CCDC85A: variants seen among roughly 807,000 people sequenced by gnomAD.
CCDC85A encodes the protein coiled-coil domain-containing protein 85A.
CCDC85A carries 38 observed loss-of-function variants against 50.2 expected under a neutral mutation model. That is an observed-to-expected ratio of 0.76 (90% confidence interval 0.58 to 0.99). The LOEUF is 0.99. Ranked by LOEUF, CCDC85A falls within the 50% of genes least tolerant of loss-of-function variation. The probability of loss-of-function intolerance (pLI) is 0.00; values close to 1 mark genes in which losing one functional copy is unlikely to be tolerated. For synonymous variants in CCDC85A, 366 were observed against 301.4 expected (o/e 1.21, Z -2.22); for missense variants, 820 against 742.0 (o/e 1.11, Z -1.22).
chr2:56,384,362 C>G lies in CCDC85A; in HGVS notation c.*7C>G, dbSNP rs777117519. The G allele has an allele frequency of 6.2e-7, 1 of 1,607,592 alleles. No individual in the cohort carries two copies. The highest frequency in any genetic ancestry group is 1.3e-5 in the African/African-American group (1 of 74,352). On this transcript the variant is annotated 3_prime_UTR_variant, in exon 6 of 6. Transcript: ENST00000407595. ...GTACAAAGGACCAATGTGAGATGCACTCTTTTTCAAACAGGAGATCACCAC... is the reference window on the plus strand; with the variant it reads ...GTACAAAGGACCAATGTGAGATGCAGTCTTTTTCAAACAGGAGATCACCAC...
At chr2:56,308,830 A>G (rs552016143) in intron 2 of CCDC85A, among the ~76,000 whole-genome samples, 1 of 152,310 alleles carries the variant, frequency 6.6e-6, no homozygotes, top group African/African-American at 2.4e-5. Context: ...TTGGAGTCAC[A>G]TAGACTTAGG....
chr2:56,284,653 G>T (rs34721129), intron 2 of CCDC85A, among the ~76,000 whole-genome samples: 1,792 of 152,308 alleles, frequency 0.012, 19 homozygotes, highest in Non-Finnish European at 0.019. Flanking sequence ...GATTACAGGC[G>T]TGAGCCACCA....
chr2:56,211,028 T>G (rs1189388815), intron 2 of CCDC85A, among the ~76,000 whole-genome samples: 1 of 152,102 alleles, frequency 6.6e-6, no homozygotes, highest in African/African-American at 2.4e-5. Flanking sequence ...CCTATTACAT[T>G]GCATCCAGGC....
intron 2 of CCDC85A, among the ~76,000 whole-genome samples, chr2:56,243,434 T>TC (rs1375227172): frequency 2.0e-5 from 3 of 152,182 alleles, no homozygotes; most frequent in Non-Finnish European, 1.5e-5. Context: ...GATGCGTTCT[T>TC]CAGTATGTCA....
At chr2:56,208,299 A>C (rs1677035309) in intron 2 of CCDC85A, among the ~76,000 whole-genome samples, 1 of 152,148 alleles carries the variant, frequency 6.6e-6, no homozygotes, top group South Asian at 2.1e-4. Context: ...AACTAAACTA[A>C]ATTTCTAATT....
At chr2:56,308,362 T>TG (rs1672538117) in intron 2 of CCDC85A, among the ~76,000 whole-genome samples, 2 of 152,202 alleles carry the variant, frequency 1.3e-5, no homozygotes, top group Admixed American at 1.3e-4. Flanking sequence ...CCAAGAGGTC[T>TG]GGACCCATTC....
intron 2 of CCDC85A, among the ~76,000 whole-genome samples, chr2:56,232,962 G>C (rs1214985653): frequency 6.6e-6 from 1 of 152,098 alleles, no homozygotes; most frequent in Non-Finnish European, 1.5e-5. Flanking sequence ...TTCCTCTAGA[G>C]GGTTCTGCCT....
At chr2:56,226,100 C>T (rs1668531038) in intron 2 of CCDC85A, among the ~76,000 whole-genome samples, 1 of 152,164 alleles carries the variant, frequency 6.6e-6, no homozygotes, top group Non-Finnish European at 1.5e-5. Context: ...GGGATTATCA[C>T]CTCTTGCATT....
At chr2:56,298,594 G>A (rs1387607816) in intron 2 of CCDC85A, among the ~76,000 whole-genome samples, 6 of 152,034 alleles carry the variant, frequency 3.9e-5, no homozygotes, top group African/African-American at 4.8e-5. Flanking sequence ...ATGAATTTAG[G>A]GAATCTTTTA....
intron 2 of CCDC85A, among the ~76,000 whole-genome samples, chr2:56,311,700 A>G (rs1558635375): frequency 6.6e-6 from 1 of 152,066 alleles, no homozygotes; most frequent in East Asian, 1.9e-4. Context: ...TATGAGTTTA[A>G]TTTATCTTTA....
At chr2:56,359,607 G>A (rs778700696) in intron 3 of CCDC85A, among the ~76,000 whole-genome samples, 4 of 152,194 alleles carry the variant, frequency 2.6e-5, no homozygotes, top group Admixed American at 6.5e-5. Flanking sequence ...TCACAGACAA[G>A]TGAAATGCTA....
chr2:56,221,511 C>G (rs1558591226), intron 2 of CCDC85A, among the ~76,000 whole-genome samples: 2 of 151,952 alleles, frequency 1.3e-5, no homozygotes, highest in South Asian at 2.1e-4. Context: ...TATGTATTCC[C>G]AAACCTATTT....
At chr2:56,247,708 A>G (rs1012670764) in intron 2 of CCDC85A, among the ~76,000 whole-genome samples, 2 of 152,238 alleles carry the variant, frequency 1.3e-5, no homozygotes, top group African/African-American at 4.8e-5. Flanking sequence ...TAAACCTGTA[A>G]AAAGATATCA....
rs149881771 is a variant in CCDC85A, at chr2:56,311,135, G to C, written c.1241-31744G>C. 2.0e-5 allele frequency among the ~76,000 whole-genome samples: 3 copies of C among 152,204 alleles called. No homozygotes were observed. In the East Asian group the frequency reaches 5.8e-4, roughly 29 times the overall value. On this transcript the variant is annotated intron_variant, in intron 2 of 5. Coordinates refer to ENST00000407595, the MANE Select transcript of CCDC85A (RefSeq NM_001080433.2). ...TGATTTTGATTCCTATTTTGTTCCA[G>C]TTTTAAAAATTCTTTAGAATTCTTG...
rs1673560916 is a variant in CCDC85A, at chr2:56,327,912, C to G, written c.1241-14967C>G. ...CTTAGAAATATTTACTGAATGCCTG[C>G]TCTGTGCTAGTCCTTGCTTTAAGAA... On this transcript the variant is annotated intron_variant, in intron 2 of 5. Transcript: ENST00000407595. Among the ~76,000 whole-genome samples the G allele has an allele frequency of 2.0e-5, 3 of 151,534 alleles. No homozygotes were observed. In the South Asian group the frequency reaches 6.3e-4, roughly 32 times the overall value.
In CCDC85A at chr2:56,192,920, C is replaced by T. The variant is rs767801280; in HGVS notation, c.720C>T (p.Pro240=). 5 of 1,612,466 alleles carry T rather than the reference C, an allele frequency of 3.1e-6. No individual in the cohort carries two copies. The highest frequency in any genetic ancestry group is 4.2e-6 in the Non-Finnish European group (5 of 1,179,442). The change falls in exon 2 of 6, where the codon CCC becomes CCT. Residue 240 remains proline, a synonymous_variant. Transcript: ENST00000407595. This position sits in a 1 kb window ranked among gnomAD's most constrained non-coding sequence, Gnocchi z 4.7. ...SSGSPEHLQK[P]RSEGSPEHSK... ...GCAGCCCGGAGCACCTGCAGAAGCCCCGGAGCGAGGGCAGCCCGGAGCACT... is the reference window on the plus strand; with the variant it reads ...GCAGCCCGGAGCACCTGCAGAAGCCTCGGAGCGAGGGCAGCCCGGAGCACT...
intron 3 of CCDC85A, among the ~76,000 whole-genome samples, chr2:56,349,921 A>T (rs532783772): frequency 1.8e-4 from 27 of 151,850 alleles, no homozygotes; most frequent in Non-Finnish European, 3.4e-4. Context: ...AAATTATGGG[A>T]CCCTATCAGT....
chr2:56,333,243 G>C (rs2104298181), intron 2 of CCDC85A, among the ~76,000 whole-genome samples: 1 of 152,216 alleles, frequency 6.6e-6, no homozygotes, highest in South Asian at 2.1e-4. Flanking sequence ...GAGAGGACTG[G>C]GCACGTCTCA....
chr2:56,242,760 T>G (rs928612032), intron 2 of CCDC85A, among the ~76,000 whole-genome samples: 4 of 152,174 alleles, frequency 2.6e-5, no homozygotes, highest in African/African-American at 9.6e-5. Context: ...CAGAAACTTT[T>G]TAACTTGAGG....
Sources: allele counts gnomAD v4.1 joint callset (sites outside exome capture counted in the v4.1 genomes callset), GRCh38; gene constraint gnomAD v4.1.1; non-coding constraint Gnocchi (gnomAD v3.1); transcripts MANE v1.5; gene names NCBI Gene and HGNC (gene_info 2026-07-23, HGNC 2026-07-21).